Variants in SOBP observed in about 807,000 individuals in gnomAD.
The protein encoded by SOBP is sine oculis-binding protein homolog.
A neutral mutation model predicts 53.6 loss-of-function variants in SOBP; 4 were observed. That is an observed-to-expected ratio of 0.07 (90% confidence interval 0.04 to 0.17). The LOEUF (loss-of-function observed/expected upper bound fraction) is 0.17. SOBP is among the 10% of genes least tolerant of loss of function. The pLI is 1.00. For synonymous variants in SOBP, 584 were observed against 522.6 expected, an observed-to-expected ratio of 1.12 and a Z score of -1.60; for missense variants, 1,088 against 1,204.7, an observed-to-expected ratio of 0.90 and a Z score of 1.43.
intron 2 of SOBP, among the ~76,000 whole-genome samples, chr6:107,505,336 T>A (rs1782954621): frequency 6.6e-6 from 1 of 152,164 alleles, no homozygotes; most frequent in African/African-American, 2.4e-5. Context: ...TCTTTTTTTT[T>A]TTCTGAGACA....
At chr6:107,575,225 AG>A (rs1785191296) in intron 4 of SOBP, among the ~76,000 whole-genome samples, 1 of 152,198 alleles carries the variant, frequency 6.6e-6, no homozygotes, top group African/African-American at 2.4e-5. Context: ...GACTTCCTAA[AG>A]GTTTAGGAAG....
At chr6:107,614,338 G>C (rs1186191052) in intron 5 of SOBP, among the ~76,000 whole-genome samples, 4 of 152,176 alleles carry the variant, frequency 2.6e-5, no homozygotes, top group Admixed American at 6.5e-5. Flanking sequence ...GGTTGAAGCA[G>C]CTTGAACAGT....
rs575571564 is a variant in SOBP at position 107,660,633 on chromosome 6, G to A, written c.*2430G>A. 2.6e-5 allele frequency among the ~76,000 whole-genome samples: 4 copies of A among 152,266 alleles called. No individual in the cohort carries two copies. Among genetic ancestry groups the A allele is most frequent in the East Asian group, 1.9e-4 (1 of 5,184 alleles). On this transcript the variant is annotated 3_prime_UTR_variant, in exon 7 of 7. Transcript: ENST00000317357. ...AGCCTTATGTGAATGGGGTGGGTCCGTTTGGCTCTTTGATACCTGAGTTAA... is the reference window on the plus strand; with the variant it reads ...AGCCTTATGTGAATGGGGTGGGTCCATTTGGCTCTTTGATACCTGAGTTAA...
intron 5 of SOBP, among the ~76,000 whole-genome samples, chr6:107,599,000 C>A (rs779621999): frequency 6.6e-6 from 1 of 152,022 alleles, no homozygotes; most frequent in East Asian, 1.9e-4. Context: ...GGGATCAGTA[C>A]GATTTAAACT....
intron 4 of SOBP, among the ~76,000 whole-genome samples, chr6:107,536,709 C>T (rs566543607): frequency 4.0e-4 from 61 of 152,198 alleles, no homozygotes; most frequent in African/African-American, 1.4e-3. Flanking sequence ...TGGATTGCTA[C>T]GAATATTAGG....
At chr6:107,516,721 C>T (rs1172049793) in intron 3 of SOBP, among the ~76,000 whole-genome samples, 2 of 152,044 alleles carry the variant, frequency 1.3e-5, no homozygotes, top group Non-Finnish European at 2.9e-5. Context: ...TCTCTGTATT[C>T]CAGCCATAAA....
chr6:107,652,344 G>A (rs1379034731), intron 6 of SOBP, among the ~76,000 whole-genome samples: 4 of 152,232 alleles, frequency 2.6e-5, no homozygotes, highest in Admixed American at 2.6e-4. Flanking sequence ...GGGTTCAAGA[G>A]TTCAGTGGAG....
chr6:107,605,069 A>G (rs949782312), intron 5 of SOBP, among the ~76,000 whole-genome samples: 2 of 151,758 alleles, frequency 1.3e-5, no homozygotes, highest in African/African-American at 4.8e-5. Flanking sequence ...TCCACTCTGC[A>G]TGTTCATCCC....
chr6:107,584,001 G>A (rs1305986101), intron 4 of SOBP, among the ~76,000 whole-genome samples: 1 of 152,070 alleles, frequency 6.6e-6, no homozygotes, highest in Non-Finnish European at 1.5e-5. Context: ...TTGAATCTGG[G>A]TTGCTCAACC....
At chr6:107,518,677 G>A (rs895962235) in intron 3 of SOBP, among the ~76,000 whole-genome samples, 7 of 151,662 alleles carry the variant, frequency 4.6e-5, no homozygotes, top group African/African-American at 1.7e-4. Context: ...ATGGGCTTAG[G>A]TGGGTAAGTG....
chr6:107,640,298 T>G (rs1428926359), intron 6 of SOBP, among the ~76,000 whole-genome samples: 1 of 152,198 alleles, frequency 6.6e-6, no homozygotes, highest in African/African-American at 2.4e-5. Flanking sequence ...GAAGGAAAAC[T>G]GAGAGTGACA....
rs150803932 is a variant in SOBP at position 107,570,237 on chromosome 6, A to C, written c.574-16843A>C. The stretch of plus-strand genomic sequence containing the variant: ...ATATTGGTCTGGTCTTTGTGGGTAA[A>C]TCTTCCGGTGGAACATCTTTCATGA... On this transcript the variant is annotated intron_variant, in intron 4 of 6. Transcript: ENST00000317357. Among the ~76,000 whole-genome samples the C allele has an allele frequency of 7.0e-4, 107 of 152,312 alleles. 1 individual carries two copies. In the East Asian group the frequency reaches 0.012, roughly 17 times the overall value.
chr6:107,535,851 C>G (rs1458895865), intron 4 of SOBP, among the ~76,000 whole-genome samples: 1 of 152,134 alleles, frequency 6.6e-6, no homozygotes. Context: ...AGTCTCCATC[C>G]TGCCATTTCT....
At chr6:107,517,604 A>G (rs902253651) in intron 3 of SOBP, among the ~76,000 whole-genome samples, 14 of 152,236 alleles carry the variant, frequency 9.2e-5, no homozygotes, top group African/African-American at 3.1e-4. Context: ...CATTCAGTCT[A>G]TAACAACAAA....
At chr6:107,567,184 A>C (rs535462850) in intron 4 of SOBP, among the ~76,000 whole-genome samples, 85 of 152,258 alleles carry the variant, frequency 5.6e-4, no homozygotes, top group Non-Finnish European at 1.0e-3. Context: ...AAAAATGACC[A>C]TGACTAGAAG....
chr6:107,573,218 C>T (rs1242824991), intron 4 of SOBP, among the ~76,000 whole-genome samples: 1 of 152,134 alleles, frequency 6.6e-6, no homozygotes, highest in African/African-American at 2.4e-5. Flanking sequence ...ATTCCTCCAG[C>T]CTTTGGCAGT....
At position 107,492,213 on chromosome 6, in the gene SOBP, A is replaced by T. The variant is rs945813203; in HGVS notation, c.96+1501A>T. 5.3e-5 allele frequency among the ~76,000 whole-genome samples: 8 copies of T among 152,022 alleles called. No individual in the cohort carries two copies. In the East Asian group the frequency reaches 1.4e-3, roughly 26 times the overall value. On this transcript the variant is annotated intron_variant, in intron 1 of 6. Coordinates refer to ENST00000317357, the MANE Select transcript of SOBP (RefSeq NM_018013.4). ...GACCGGTAGAAGTTGTTGTTTTTTG[A>T]TGGGAACAAAATTCAAACAGTCCAT...
chr6:107,546,973 G>A (rs988067509), intron 4 of SOBP, among the ~76,000 whole-genome samples: 1 of 152,110 alleles, frequency 6.6e-6, no homozygotes, highest in East Asian at 1.9e-4. Context: ...TCAGGGTAGA[G>A]AAATTAATAG....
At chr6:107,559,686 T>A (rs1784719695) in intron 4 of SOBP, among the ~76,000 whole-genome samples, 1 of 152,194 alleles carries the variant, frequency 6.6e-6, no homozygotes, top group African/African-American at 2.4e-5. Flanking sequence ...ATGGTTGGAG[T>A]AATTATCTTG....
Sources: gnomAD v4.1 joint callset for allele counts (sites outside exome capture counted in the v4.1 genomes callset) on GRCh38, gnomAD v4.1.1 for gene constraint, MANE v1.5 for transcripts, NCBI Gene and HGNC (gene_info 2026-07-23, HGNC 2026-07-21) for gene names.